Variants in NECAB1 observed in about 807,000 individuals in gnomAD.
NECAB1 encodes the protein N-terminal EF-hand calcium binding protein 1.
Under a neutral mutation model 57.5 loss-of-function variants are expected in NECAB1, and 29 were observed. That is an observed-to-expected ratio of 0.50 (90% CI 0.38 to 0.69). The LOEUF is 0.69. Ranked by LOEUF, NECAB1 falls within the 30% of genes least tolerant of loss-of-function variation. The probability of loss-of-function intolerance (pLI) is 0.00; values close to 1 mark genes in which losing one functional copy is unlikely to be tolerated. For missense variants in NECAB1, 372 were observed against 413.8 expected (o/e 0.90, Z 0.88); for synonymous variants, 142 against 147.7 (o/e 0.96, Z 0.28).
At chr8:90,794,562 T>A (rs1333647460) in intron 1 of NECAB1, among the ~76,000 whole-genome samples, 12 of 152,186 alleles carry the variant, frequency 7.9e-5, no homozygotes, top group Non-Finnish European at 1.5e-5. Flanking sequence ...ACACTATTAA[T>A]GACATGATAC....
At chr8:90,920,639 C>T (rs780303811) in intron 6 of NECAB1, among the ~76,000 whole-genome samples, 3 of 152,310 alleles carry the variant, frequency 2.0e-5, no homozygotes, top group Non-Finnish European at 4.4e-5. Context: ...CACTTCTCCT[C>T]GTCTGTCTTG....
chr8:90,822,541 AT>A (rs924039398), intron 2 of NECAB1, among the ~76,000 whole-genome samples: 1 of 151,592 alleles, frequency 6.6e-6, no homozygotes, highest in African/African-American at 2.4e-5. Flanking sequence ...TAATAAGAGG[AT>A]TTTTTTCTAA....
chr8:90,853,961 C>T (rs1472221881), intron 3 of NECAB1, among the ~76,000 whole-genome samples: 1 of 152,036 alleles, frequency 6.6e-6, no homozygotes, highest in Non-Finnish European at 1.5e-5. Flanking sequence ...AATTGGTTAA[C>T]AGGAAGCAGA....
rs1246226893 is a variant in NECAB1 at position 90,957,529 on chromosome 8, T to G, written c.*2017T>G. Reference sequence around the variant, plus strand: ...AAAGCAAACCAATATAATTATATGGTCATTCTGACCCCAGCTCTTATACAA... The same window carrying G: ...AAAGCAAACCAATATAATTATATGGGCATTCTGACCCCAGCTCTTATACAA... On this transcript the variant is annotated 3_prime_UTR_variant, in exon 13 of 13. Coordinates refer to ENST00000417640, the MANE Select transcript of NECAB1 (RefSeq NM_022351.5). 1 of 151,676 alleles carries G rather than the reference T, an allele frequency of 6.6e-6. No homozygotes were observed. Among genetic ancestry groups the G allele is most frequent in the Non-Finnish European group, 1.5e-5 (1 of 67,774 alleles). The allele number at this position is 151,676 out of a possible 1,614,324, so 9.4% of individuals were successfully genotyped here.
chr8:90,870,848 T>C (rs1808610788), intron 3 of NECAB1, among the ~76,000 whole-genome samples: 1 of 152,206 alleles, frequency 6.6e-6, no homozygotes, highest in Admixed American at 6.5e-5. Flanking sequence ...GTGGAATTAA[T>C]GAATGAATGG....
intron 10 of NECAB1, 102 bp downstream of exon 10, chr8:90,941,000 T>C (rs993037598): frequency 6.1e-6 from 5 of 819,050 alleles, no homozygotes; most frequent in Non-Finnish European, 1.0e-5. Flanking sequence ...AGACAGATAT[T>C]TGAGAATCCT....
intron 2 of NECAB1, among the ~76,000 whole-genome samples, chr8:90,814,343 A>G (rs4734322): frequency 0.39 from 59,548 of 151,894 alleles, 12,737 homozygotes; most frequent in East Asian, 0.81. Context: ...TGGCTGAGGT[A>G]GCATTTGTCA....
intron 6 of NECAB1, among the ~76,000 whole-genome samples, chr8:90,918,242 C>T (rs1239946605): frequency 3.3e-5 from 5 of 151,568 alleles, no homozygotes; most frequent in Admixed American, 6.6e-5. Context: ...GAACTCCTAA[C>T]CTCAGATGAT....
rs1811035005 is a variant in NECAB1, at chr8:90,956,518, T to C, written c.*1006T>C. The stretch of plus-strand genomic sequence containing the variant: ...AACTATCTACCTATAGAACTATCTG[T>C]AGATAGTATACTATCTACACTCTGC... On this transcript the variant is annotated 3_prime_UTR_variant, in exon 13 of 13. Transcript: ENST00000417640. 2.0e-5 allele frequency: 3 copies of C among 151,862 alleles called. No homozygotes were observed. The highest frequency in any genetic ancestry group is 2.1e-4 in the South Asian group (1 of 4,826). 9.4% of individuals were successfully genotyped at this position (151,862 alleles called of 1,614,324 possible).
Position 90,953,330 on chromosome 8 carries a change from A to G in NECAB1, c.1030+2126A>G, listed in dbSNP as rs149929840. On this transcript the variant is annotated intron_variant, in intron 12 of 12. Coordinates refer to ENST00000417640, the MANE Select transcript of NECAB1 (RefSeq NM_022351.5). ...TATCTGGAATTATTTTCTAGACACT[A>G]CTAGTGTCATTGGCACATATATTAC... is the stretch of plus-strand genomic sequence containing the variant. 1.8e-3 allele frequency among the ~76,000 whole-genome samples: 270 copies of G among 152,352 alleles called. 2 individuals are homozygous for G. The highest frequency in any genetic ancestry group is 6.2e-3 in the African/African-American group (257 of 41,572).
intron 5 of NECAB1, among the ~76,000 whole-genome samples, chr8:90,884,445 G>T (rs1808921921): frequency 6.6e-6 from 1 of 152,066 alleles, no homozygotes; most frequent in Admixed American, 6.6e-5. Context: ...ATAGCAATAG[G>T]ACACAGAATT....
intron 4 of NECAB1, among the ~76,000 whole-genome samples, chr8:90,875,761 C>G (rs961718111): frequency 6.6e-6 from 1 of 150,992 alleles, no homozygotes; most frequent in African/African-American, 2.4e-5. Flanking sequence ...GCCTGTAATC[C>G]CAGCACTTTG....
At chr8:90,856,421 G>C (rs1812795304) in intron 3 of NECAB1, among the ~76,000 whole-genome samples, 1 of 152,126 alleles carries the variant, frequency 6.6e-6, no homozygotes, top group South Asian at 2.1e-4. Context: ...CCCAGAGCTA[G>C]AAAGGATTTC....
At chr8:90,882,618 C>G (rs375612563) in intron 5 of NECAB1, among the ~76,000 whole-genome samples, 10 of 152,112 alleles carry the variant, frequency 6.6e-5, no homozygotes, top group Admixed American at 2.0e-4. Context: ...ATACCATGGC[C>G]TCAGAAAGGT....
chr8:90,849,483 C>CTT (rs5893138), intron 3 of NECAB1, among the ~76,000 whole-genome samples: 4,227 of 113,244 alleles, frequency 0.037, 155 homozygotes, highest in Non-Finnish European at 0.045. Flanking sequence ...AAGAAAAATG[C>CTT]TTTTTTTTTT....
At chr8:90,834,100 T>A (rs895871638) in intron 3 of NECAB1, among the ~76,000 whole-genome samples, 3 of 146,030 alleles carry the variant, frequency 2.1e-5, no homozygotes, top group African/African-American at 7.8e-5. Flanking sequence ...CAGGTGGCGG[T>A]TGCAGTGAGC....
At chr8:90,795,044 A>G (rs758207000) in intron 1 of NECAB1, among the ~76,000 whole-genome samples, 2 of 152,240 alleles carry the variant, frequency 1.3e-5, no homozygotes, top group African/African-American at 4.8e-5. Flanking sequence ...GAGGGACTCA[A>G]CTGGGTCCTG....
At chr8:90,811,508 A>G (rs1171251685) in intron 2 of NECAB1, among the ~76,000 whole-genome samples, 1 of 152,220 alleles carries the variant, frequency 6.6e-6, no homozygotes, top group African/African-American at 2.4e-5. Context: ...GATAGCTAGC[A>G]AAAAAGAAAG....
At chr8:90,829,030 A>C (rs1350757907) in intron 3 of NECAB1, among the ~76,000 whole-genome samples, 1 of 151,918 alleles carries the variant, frequency 6.6e-6, no homozygotes. Flanking sequence ...TTAATCTTCC[A>C]TTTTCTTTTA....
Sources: allele counts gnomAD v4.1 joint callset (sites outside exome capture counted in the v4.1 genomes callset), GRCh38; gene constraint gnomAD v4.1.1; transcripts MANE v1.5; gene names NCBI Gene and HGNC (gene_info 2026-07-23, HGNC 2026-07-21).